Variants in DOCK5 observed in about 807,000 individuals in gnomAD.
DOCK5 encodes the protein dedicator of cytokinesis protein 5.
In DOCK5, 142 loss-of-function variants were observed where a neutral mutation model predicts 251.8. That is an observed-to-expected ratio of 0.56 (90% CI 0.49 to 0.65). The LOEUF (loss-of-function observed/expected upper bound fraction) is 0.65. DOCK5 is among the 30% of genes least tolerant of loss of function. The pLI is 0.00. For synonymous variants in DOCK5, 842 were observed against 835.5 expected, an observed-to-expected ratio of 1.01 and a Z score of -0.13; for missense variants, 2,111 against 2,312.3, an observed-to-expected ratio of 0.91 and a Z score of 1.79.
chr8:25,184,759 G>A lies in DOCK5; in HGVS notation c.-150G>A. ...GGGCACGGGCACGGGCGCGGGCGGC[G>A]CGGCGAGGAGGCGGCCCGCGGAGTC... On this transcript the variant is annotated 5_prime_UTR_variant, in exon 1 of 52. Coordinates refer to ENST00000276440, the MANE Select transcript of DOCK5 (RefSeq NM_024940.8). 3 of 626,724 alleles carry A rather than the reference G, an allele frequency of 4.8e-6. No individual in the cohort carries two copies. Among genetic ancestry groups the A allele is most frequent in the Non-Finnish European group, 4.4e-6 (2 of 455,538 alleles). 38.8% of individuals were successfully genotyped at this position (626,724 alleles called of 1,614,324 possible).
intron 1 of DOCK5, among the ~76,000 whole-genome samples, chr8:25,196,644 A>G (rs1133947): frequency 0.14 from 21,795 of 152,178 alleles, 2,537 homozygotes; most frequent in African/African-American, 0.33. Context: ...CTCCTCATCT[A>G]AATTTCAAGA....
Position 25,412,270 on chromosome 8 carries a change from T to TG in DOCK5, c.*972_*973insG, listed in dbSNP as rs1801645462. On this transcript the variant is annotated 3_prime_UTR_variant, in exon 52 of 52. Transcript: ENST00000276440. ...ATTTCTCTTTGATTATTTATTCCTC[T>TG]TGATTGTGGAATTAATTTGATTGCT... The TG allele has an allele frequency of 6.6e-5, 10 of 152,158 alleles. No individual in the cohort carries two copies. The highest frequency in any genetic ancestry group is 2.4e-4 in the African/African-American group (10 of 41,430). 9.4% of individuals were successfully genotyped at this position (152,158 alleles called of 1,614,324 possible). A position where few individuals can be genotyped will look rare whatever the true frequency, so the allele number is the denominator to read the frequency against.
At chr8:25,196,428 G>T (rs1485157608) in intron 1 of DOCK5, among the ~76,000 whole-genome samples, 2 of 152,156 alleles carry the variant, frequency 1.3e-5, no homozygotes, top group Non-Finnish European at 2.9e-5. Context: ...CTTACAAAAA[G>T]AGCATATGTA....
chr8:25,238,326 A>T (rs1405358345), intron 1 of DOCK5, among the ~76,000 whole-genome samples: 2 of 152,224 alleles, frequency 1.3e-5, no homozygotes. Flanking sequence ...TCCGCATTAA[A>T]TAATGTGACA....
chr8:25,322,647 T>G (rs1805456627), intron 16 of DOCK5, among the ~76,000 whole-genome samples: 2 of 152,252 alleles, frequency 1.3e-5, no homozygotes, highest in South Asian at 2.1e-4. Flanking sequence ...TGGTCCTGTT[T>G]AGTATCCACA....
At chr8:25,254,509 C>A (rs1803359448) in intron 2 of DOCK5, among the ~76,000 whole-genome samples, 1 of 151,972 alleles carries the variant, frequency 6.6e-6, no homozygotes, top group African/African-American at 2.4e-5. Flanking sequence ...GGCCCAGTGG[C>A]TCACACCTGT....
At chr8:25,403,243 T>C (rs1269701483) in intron 47 of DOCK5, among the ~76,000 whole-genome samples, 1 of 152,232 alleles carries the variant, frequency 6.6e-6, no homozygotes, top group Non-Finnish European at 1.5e-5. Flanking sequence ...CGGAAGGTTT[T>C]GCTATTTATT....
intron 40 of DOCK5, among the ~76,000 whole-genome samples, chr8:25,387,945 C>G (rs1253845168): frequency 1.3e-5 from 2 of 152,206 alleles, no homozygotes; most frequent in African/African-American, 2.4e-5. Context: ...GTATTACACT[C>G]TGATCCTTTA....
intron 26 of DOCK5, among the ~76,000 whole-genome samples, chr8:25,350,770 A>T (rs1800452633): frequency 6.6e-6 from 1 of 152,104 alleles, no homozygotes; most frequent in African/African-American, 2.4e-5. Flanking sequence ...CATCTGTGAT[A>T]CTCATTTACT....
intron 1 of DOCK5, among the ~76,000 whole-genome samples, chr8:25,230,310 A>C (rs899900503): frequency 2.6e-5 from 4 of 152,132 alleles, no homozygotes; most frequent in Non-Finnish European, 5.9e-5. Flanking sequence ...CTGTATTCCC[A>C]ACCTACTGAA....
At chr8:25,286,291 A>C (rs1399945012) in intron 5 of DOCK5, among the ~76,000 whole-genome samples, 2 of 152,200 alleles carry the variant, frequency 1.3e-5, no homozygotes, top group East Asian at 1.9e-4. Flanking sequence ...GTGTGCAAGC[A>C]AGTGAGATGA....
At chr8:25,309,473 G>A (rs568311043) in intron 12 of DOCK5, among the ~76,000 whole-genome samples, 30 of 152,094 alleles carry the variant, frequency 2.0e-4, no homozygotes, top group East Asian at 9.7e-4. Context: ...ATGAGCCACC[G>A]CCCCTGGCCT....
chr8:25,248,689 A>G (rs1399957286), intron 2 of DOCK5, among the ~76,000 whole-genome samples: 1 of 152,144 alleles, frequency 6.6e-6, no homozygotes, highest in African/African-American at 2.4e-5. Context: ...GTTGGCTGAA[A>G]AATTTCAGAA....
In DOCK5 at chr8:25,317,000, G is replaced by T. The variant is rs1258590789; in HGVS notation, c.1319-7G>T. 1.2e-6 allele frequency: 2 copies of T among 1,613,730 alleles called. No homozygotes were observed. The highest frequency in any genetic ancestry group is 1.7e-6 in the Non-Finnish European group (2 of 1,179,736). ...GCAACACTCACAGCATGCTTATCAT[G>T]TTGCAGGAGATGTTCGGAATGACAT... On this transcript the variant is annotated splice_polypyrimidine_tract_variant and splice_region_variant and intron_variant, in intron 13 of 51. Transcript: ENST00000276440.
intron 2 of DOCK5, among the ~76,000 whole-genome samples, chr8:25,256,368 A>G (rs544628995): frequency 1.3e-5 from 2 of 152,218 alleles, no homozygotes; most frequent in South Asian, 2.1e-4. Flanking sequence ...GCCGGGTGCA[A>G]TGGCTCAAGC....
At chr8:25,365,682 T>A (rs1050154291) in intron 30 of DOCK5, among the ~76,000 whole-genome samples, 1 of 152,118 alleles carries the variant, frequency 6.6e-6, no homozygotes, top group Non-Finnish European at 1.5e-5. Context: ...TAATCAGAGG[T>A]ACTTTCAATT....
chr8:25,227,644 C>G lies in DOCK5; in HGVS notation c.44-16030C>G, dbSNP rs990464807. On this transcript the variant is annotated intron_variant, in intron 1 of 51. Coordinates refer to ENST00000276440, the MANE Select transcript of DOCK5 (RefSeq NM_024940.8). ...TTTTTCCTTCTTATGACGTTTTAAA[C>G]CATTTGTTCAGTTATTTAAAAAAGT... Among the ~76,000 whole-genome samples, 6 of 151,958 alleles carry G rather than the reference C, an allele frequency of 3.9e-5. No individual in the cohort carries two copies. In the East Asian group the frequency reaches 5.8e-4, roughly 15 times the overall value.
At chr8:25,367,627 C>G (rs1800799635) in intron 31 of DOCK5, among the ~76,000 whole-genome samples, 1 of 152,176 alleles carries the variant, frequency 6.6e-6, no homozygotes, top group Non-Finnish European at 1.5e-5. Flanking sequence ...TCTGGTTCCT[C>G]CCTCAAAAAC....
chr8:25,258,522 A>G (rs1246671543), intron 2 of DOCK5, among the ~76,000 whole-genome samples: 1 of 152,130 alleles, frequency 6.6e-6, no homozygotes, highest in Non-Finnish European at 1.5e-5. Context: ...TCTCTTTATA[A>G]AGAAGCAATG....
Sources: allele counts gnomAD v4.1 joint callset (sites outside exome capture counted in the v4.1 genomes callset), GRCh38; gene constraint gnomAD v4.1.1; transcripts MANE v1.5; gene names NCBI Gene and HGNC (gene_info 2026-07-23, HGNC 2026-07-21).